Variants in WWOX observed in about 807,000 individuals in gnomAD.
WWOX encodes the protein WW domain containing oxidoreductase.
WWOX carries 69 observed loss-of-function variants against 46.2 expected under a neutral mutation model. That is an observed-to-expected ratio of 1.49 (90% CI 1.23 to 1.82). The LOEUF is 1.82. WWOX is among the 40% of genes most tolerant of loss of function. The probability of loss-of-function intolerance (pLI) is 0.00; values close to 1 mark genes in which losing one functional copy is unlikely to be tolerated. For missense variants in WWOX, 919 were observed against 542.6 expected (o/e 1.69, Z -6.89); for synonymous variants, 359 against 202.6 (o/e 1.77, Z -6.56).
chr16:79,141,770 C>T (rs1055592841), intron 8 of WWOX, among the ~76,000 whole-genome samples: 1 of 152,020 alleles, frequency 6.6e-6, no homozygotes, highest in Non-Finnish European at 1.5e-5. Flanking sequence ...ATTAGGATGA[C>T]TCTCCATTGC....
chr16:78,206,665 A>G (rs954108836), intron 5 of WWOX, among the ~76,000 whole-genome samples: 1 of 152,212 alleles, frequency 6.6e-6, no homozygotes, highest in East Asian at 1.9e-4. Context: ...GATACAATTA[A>G]TAGTTATGAA....
Position 78,424,924 on chromosome 16 carries a change from C to G in WWOX, c.660C>G (p.Leu220=), listed in dbSNP as rs1471008887. 5.6e-6 allele frequency: 9 copies of G among 1,614,156 alleles called. No homozygotes were observed. The highest frequency in any genetic ancestry group is 6.8e-6 in the Non-Finnish European group (8 of 1,180,036). ...NAATFALPWS[L]TKDGLETTFQ... ...CAACTTTTGCTCTACCCTGGAGTCT[C>G]ACCAAAGATGGCCTGGAGACCACCT... The change falls in exon 7 of 9, where the codon CTC becomes CTG. Residue 220 remains leucine, a synonymous_variant. Transcript: ENST00000566780.
chr16:78,764,022 A>C (rs117518657), intron 8 of WWOX, among the ~76,000 whole-genome samples: 1 of 152,138 alleles, frequency 6.6e-6, no homozygotes, highest in African/African-American at 2.4e-5. Context: ...TCATGCTTGG[A>C]GTGGCACCAG....
Position 78,473,772 on chromosome 16 carries a change from G to A in WWOX, c.1056+41020G>A, listed in dbSNP as rs531914402. Among the ~76,000 whole-genome samples the A allele has an allele frequency of 4.6e-5, 7 of 152,106 alleles. No homozygotes were observed. The South Asian group carries it at 1.0e-3, about 23-fold the overall frequency. ...GCTGTCAGGTGTTAGCTGAAGATAC[G>A]GCAGCCCACCAGTGGTCCCCTGAAT... On this transcript the variant is annotated intron_variant, in intron 8 of 8. Transcript: ENST00000566780.
At chr16:78,244,688 T>C (rs1200866088) in intron 5 of WWOX, among the ~76,000 whole-genome samples, 1 of 152,200 alleles carries the variant, frequency 6.6e-6, no homozygotes, top group Non-Finnish European at 1.5e-5. Context: ...CCAGGCCTTA[T>C]CAGGGCTTAG....
intron 8 of WWOX, among the ~76,000 whole-genome samples, chr16:78,732,491 C>T (rs1367479127): frequency 6.6e-6 from 1 of 152,264 alleles, no homozygotes; most frequent in South Asian, 2.1e-4. Context: ...GGCTGACTGT[C>T]CCCTTTGTGC....
intron 8 of WWOX, among the ~76,000 whole-genome samples, chr16:78,697,924 G>T (rs972866160): frequency 2.6e-5 from 4 of 152,102 alleles, no homozygotes; most frequent in African/African-American, 9.7e-5. Context: ...TTGAGGCCAT[G>T]CTACCTGTAA....
At chr16:78,460,507 C>G (rs1257155672) in intron 8 of WWOX, among the ~76,000 whole-genome samples, 1 of 152,180 alleles carries the variant, frequency 6.6e-6, no homozygotes, top group African/African-American at 2.4e-5. Flanking sequence ...TTCCAGTGCA[C>G]AGATTTCTCC....
Position 78,432,569 on chromosome 16 carries a change from G to T in WWOX, c.873G>T (p.Leu291=). 6.2e-7 allele frequency: 1 copy of T among 1,614,156 alleles called. No homozygotes were observed. Among genetic ancestry groups the T allele is most frequent in the Non-Finnish European group, 8.5e-7 (1 of 1,180,010 alleles). The change falls in exon 8 of 9, where the codon CTG becomes CTT. Residue 291 remains leucine, a synonymous_variant. Transcript: ENST00000566780. ...SPTKNDYWAM[L]AYNRSKLCNI... Reference sequence around the variant, plus strand: ...CAAAAAACGACTATTGGGCGATGCTGGCTTATAACAGGTCCAAGCTCTGCA... The same window carrying T: ...CAAAAAACGACTATTGGGCGATGCTTGCTTATAACAGGTCCAAGCTCTGCA...
In WWOX at chr16:78,862,061, G is replaced by C. The variant is rs960522644; in HGVS notation, c.1057-349547G>C. ...TGTATCTATTATATATATAGAGAGA[G>C]ATATATGCATATCTATACACACCTA... On this transcript the variant is annotated intron_variant, in intron 8 of 8. Coordinates refer to ENST00000566780, the MANE Select transcript of WWOX (RefSeq NM_016373.4). Among the ~76,000 whole-genome samples, 6 of 152,106 alleles carry C rather than the reference G, an allele frequency of 3.9e-5. No individual in the cohort carries two copies. In the South Asian group the frequency reaches 1.0e-3, roughly 26 times the overall value.
chr16:78,300,558 C>T (rs915093740), intron 5 of WWOX, among the ~76,000 whole-genome samples: 2 of 151,852 alleles, frequency 1.3e-5, no homozygotes, highest in African/African-American at 2.4e-5. Flanking sequence ...TTCTCTCCCT[C>T]CCTTCCCTCT....
intron 4 of WWOX, among the ~76,000 whole-genome samples, chr16:78,135,703 AAC>A (rs1281825815): frequency 2.0e-5 from 3 of 152,050 alleles, no homozygotes; most frequent in South Asian, 4.1e-4. Context: ...ACAAAACAAC[AAC>A]AACAAACAAC....
At chr16:78,335,025 G>A (rs1286094756) in intron 5 of WWOX, among the ~76,000 whole-genome samples, 1 of 152,006 alleles carries the variant, frequency 6.6e-6, no homozygotes, top group Admixed American at 6.6e-5. Flanking sequence ...GACCTGCAGT[G>A]TCAGCATCAC....
intron 4 of WWOX, among the ~76,000 whole-genome samples, chr16:78,122,260 C>G (rs375307811): frequency 7.9e-5 from 12 of 152,152 alleles, no homozygotes; most frequent in Non-Finnish European, 1.6e-4. Context: ...GGGCTACTGT[C>G]AGTGTGAACC....
At chr16:79,079,880 T>C (rs1339591276) in intron 8 of WWOX, among the ~76,000 whole-genome samples, 1 of 152,164 alleles carries the variant, frequency 6.6e-6, no homozygotes, top group East Asian at 1.9e-4. Context: ...ATTGCACGAA[T>C]ATAGAAAATT....
intron 8 of WWOX, among the ~76,000 whole-genome samples, chr16:78,453,045 A>C (rs75129211): frequency 0.12 from 17,934 of 151,124 alleles, 1,654 homozygotes; most frequent in African/African-American, 0.25. Context: ...TCATGCCTGG[A>C]TAATTTTTTG....
intron 8 of WWOX, among the ~76,000 whole-genome samples, chr16:78,613,393 T>C (rs1278077584): frequency 6.6e-6 from 1 of 152,112 alleles, no homozygotes; most frequent in African/African-American, 2.4e-5. Context: ...TGCCTGAGTG[T>C]CCCTGTTACA....
chr16:79,191,247 G>A (rs762504906), intron 8 of WWOX, among the ~76,000 whole-genome samples: 5 of 151,712 alleles, frequency 3.3e-5, no homozygotes, highest in Admixed American at 6.6e-5. Context: ...GCAGAGACAG[G>A]GTTTCACCGT....
chr16:78,308,449 G>A (rs899085701), intron 5 of WWOX, among the ~76,000 whole-genome samples: 5 of 152,088 alleles, frequency 3.3e-5, no homozygotes, highest in African/African-American at 1.2e-4. Context: ...TCCTAAGGCT[G>A]ACAAAACAGA....
Sources: gnomAD v4.1 joint callset for allele counts (sites outside exome capture counted in the v4.1 genomes callset) on GRCh38, gnomAD v4.1.1 for gene constraint, MANE v1.5 for transcripts, NCBI Gene and HGNC (gene_info 2026-07-23, HGNC 2026-07-21) for gene names.